Variants in XRCC4 observed in about 807,000 individuals in gnomAD.
XRCC4 encodes the protein X-ray repair cross complementing 4, also known as DNA repair protein XRCC4.
A neutral mutation model predicts 39.1 loss-of-function variants in XRCC4; 28 were observed. The ratio of observed to expected loss-of-function variants is 0.72; its 90% CI spans 0.53 to 0.98. The LOEUF is 0.98. Ranked by LOEUF, XRCC4 falls within the 50% of genes least tolerant of loss-of-function variation. The pLI is 0.00. For missense variants in XRCC4, 350 were observed against 376.4 expected, an observed-to-expected ratio of 0.93 and a Z score of 0.58; for synonymous variants, 123 against 126.4, an observed-to-expected ratio of 0.97 and a Z score of 0.18.
chr5:83,261,619 T>C (rs886101893), intron 7 of XRCC4, among the ~76,000 whole-genome samples: 4 of 151,802 alleles, frequency 2.6e-5, no homozygotes, highest in Non-Finnish European at 5.9e-5. Context: ...ATTTTTTTTT[T>C]TTTTTTGTCT....
At chr5:83,099,747 T>C (rs1745839120) in intron 1 of XRCC4, among the ~76,000 whole-genome samples, 1 of 152,196 alleles carries the variant, frequency 6.6e-6, no homozygotes, top group Non-Finnish European at 1.5e-5. Flanking sequence ...CTGATACTAA[T>C]GTGACCTTTA....
chr5:83,211,888 T>C (rs1002136694), intron 6 of XRCC4, among the ~76,000 whole-genome samples: 3 of 152,148 alleles, frequency 2.0e-5, no homozygotes, highest in Non-Finnish European at 2.9e-5. Context: ...AGGAAAATAG[T>C]CAAAACCCAA....
chr5:83,223,167 A>G (rs1003732051), intron 6 of XRCC4, among the ~76,000 whole-genome samples: 2 of 152,068 alleles, frequency 1.3e-5, no homozygotes, highest in Admixed American at 6.6e-5. Flanking sequence ...GTTGGGTGAA[A>G]TGTTCTGTAA....
At chr5:83,307,735 G>A (rs1471707011) in intron 7 of XRCC4, among the ~76,000 whole-genome samples, 2 of 152,096 alleles carry the variant, frequency 1.3e-5, no homozygotes, top group Non-Finnish European at 2.9e-5. Flanking sequence ...TTTTTAGTTG[G>A]AACATAGCAT....
chr5:83,125,990 A>C (rs1268035309), intron 3 of XRCC4, among the ~76,000 whole-genome samples: 2 of 50,724 alleles, frequency 3.9e-5, no homozygotes, highest in African/African-American at 2.8e-4. Flanking sequence ...TCTCATCAAA[A>C]AAAAAAAAAA....
intron 6 of XRCC4, among the ~76,000 whole-genome samples, chr5:83,235,421 A>T (rs1752653225): frequency 6.6e-6 from 1 of 152,070 alleles, no homozygotes; most frequent in African/African-American, 2.4e-5. Context: ...TATGCAAATC[A>T]ATAAATGTGG....
chr5:83,170,996 GA>G (rs999327893), intron 3 of XRCC4, among the ~76,000 whole-genome samples: 1 of 152,026 alleles, frequency 6.6e-6, no homozygotes, highest in Non-Finnish European at 1.5e-5. Context: ...TTCAGAAAAG[GA>G]AAAATCCCTA....
At chr5:83,080,574 A>T (rs1265937059) in intron 1 of XRCC4, among the ~76,000 whole-genome samples, 1 of 152,084 alleles carries the variant, frequency 6.6e-6, no homozygotes, top group Non-Finnish European at 1.5e-5. Flanking sequence ...TTTAAATAGC[A>T]TGCCTTTCTG....
At position 83,165,214 on chromosome 5, in the gene XRCC4, A is replaced by G. The variant is rs118119555; in HGVS notation, c.316-30556A>G. 2.9e-3 allele frequency among the ~76,000 whole-genome samples: 442 copies of G among 152,248 alleles called. 12 individuals are homozygous for G. The East Asian group carries it at 0.073, about 25-fold the overall frequency. On this transcript the variant is annotated intron_variant, in intron 3 of 7. Transcript: ENST00000396027. Reference sequence around the variant, plus strand: ...TTTAAAAAAAAATCTAAACACACATAACCTATGAGAATAAAATTAACATAG... The same window carrying G: ...TTTAAAAAAAAATCTAAACACACATGACCTATGAGAATAAAATTAACATAG...
intron 6 of XRCC4, among the ~76,000 whole-genome samples, chr5:83,229,985 C>A (rs1752438403): frequency 6.6e-6 from 1 of 151,792 alleles, no homozygotes; most frequent in Non-Finnish European, 1.5e-5. Context: ...ATTATGTCTC[C>A]AATAAACAGT....
intron 3 of XRCC4, among the ~76,000 whole-genome samples, chr5:83,187,428 C>T (rs1580345375): frequency 1.3e-5 from 2 of 152,162 alleles, no homozygotes; most frequent in East Asian, 3.9e-4. Context: ...TTTATAAAGT[C>T]CCACTTTACT....
At chr5:83,343,324 A>G (rs926255718) in intron 7 of XRCC4, among the ~76,000 whole-genome samples, 2 of 152,148 alleles carry the variant, frequency 1.3e-5, no homozygotes, top group African/African-American at 2.4e-5. Flanking sequence ...ATAGGCAGGA[A>G]TTGACCATTT....
intron 6 of XRCC4, among the ~76,000 whole-genome samples, chr5:83,239,552 G>C (rs1419952074): frequency 1.3e-5 from 2 of 152,224 alleles, no homozygotes; most frequent in Admixed American, 1.3e-4. Context: ...TTTTCTGGCT[G>C]GGCGCAGTGG....
At chr5:83,313,480 AC>A (rs1755776812) in intron 7 of XRCC4, among the ~76,000 whole-genome samples, 2 of 151,796 alleles carry the variant, frequency 1.3e-5, no homozygotes, top group Admixed American at 1.3e-4. Flanking sequence ...CCCAGTTTTT[AC>A]CTATTTGCCC....
intron 7 of XRCC4, among the ~76,000 whole-genome samples, chr5:83,351,327 C>G (rs28360334): frequency 9.9e-4 from 151 of 152,242 alleles, no homozygotes; most frequent in African/African-American, 3.5e-3. Flanking sequence ...TACATAGGGG[C>G]ACAGTTTCAA....
At chr5:83,241,552 G>A (rs1752910752) in intron 6 of XRCC4, among the ~76,000 whole-genome samples, 1 of 151,918 alleles carries the variant, frequency 6.6e-6, no homozygotes, top group South Asian at 2.1e-4. Flanking sequence ...TAGATAAGAA[G>A]GTTCAAAACT....
At chr5:83,192,516 G>C (rs550456635) in intron 3 of XRCC4, among the ~76,000 whole-genome samples, 4 of 151,828 alleles carry the variant, frequency 2.6e-5, no homozygotes, top group Admixed American at 2.6e-4. Flanking sequence ...TCACCATGTT[G>C]CCCAGGCTGG....
At chr5:83,097,897 A>C (rs1745753861) in intron 1 of XRCC4, among the ~76,000 whole-genome samples, 1 of 152,132 alleles carries the variant, frequency 6.6e-6, no homozygotes, top group South Asian at 2.1e-4. Context: ...ATGAATATGA[A>C]GGAAGTTATA....
intron 7 of XRCC4, among the ~76,000 whole-genome samples, chr5:83,333,784 T>G (rs1189050901): frequency 1.3e-5 from 2 of 151,962 alleles, no homozygotes; most frequent in African/African-American, 4.8e-5. Context: ...TTTTTTTTTT[T>G]TGGGAGATAG....
Sources: gnomAD v4.1 joint callset for allele counts (sites outside exome capture counted in the v4.1 genomes callset) on GRCh38, gnomAD v4.1.1 for gene constraint, MANE v1.5 for transcripts, NCBI Gene and HGNC (gene_info 2026-07-23, HGNC 2026-07-21) for gene names.